The following RBFOX1 variants were observed in gnomAD, a reference collection of about 807,000 sequenced individuals.
The protein encoded by RBFOX1 is RNA binding fox-1 homolog 1.
Under a neutral mutation model 57.7 loss-of-function variants are expected in RBFOX1, and 8 were observed. The observed-to-expected ratio is 0.14, with a 90% CI of 0.08 to 0.25. RBFOX1 has a LOEUF of 0.25. Among genes scored for constraint, RBFOX1 ranks in the 10% least tolerant of loss-of-function variants. The pLI is 1.00. For missense variants in RBFOX1, 611 were observed against 548.5 expected (o/e 1.11, Z -1.14); for synonymous variants, 326 against 222.4 (o/e 1.47, Z -4.15).
chr16:6,856,142 C>T (rs527992205), intron 3 of RBFOX1, among the ~76,000 whole-genome samples: 6 of 151,978 alleles, frequency 3.9e-5, no homozygotes, highest in African/African-American at 1.4e-4. Flanking sequence ...TTTACCTTCC[C>T]TTCCCTTTAC....
chr16:6,951,470 T>TACATA (rs1345607411), intron 3 of RBFOX1, among the ~76,000 whole-genome samples: 1 of 152,162 alleles, frequency 6.6e-6, no homozygotes, highest in Non-Finnish European at 1.5e-5. Flanking sequence ...TTTATATAGT[T>TACATA]ACATAGTGGC....
chr16:7,235,446 A>G (rs75854194), intron 4 of RBFOX1, among the ~76,000 whole-genome samples: 2 of 152,202 alleles, frequency 1.3e-5, no homozygotes, highest in African/African-American at 4.8e-5. Context: ...ACCAGTTTAG[A>G]TGAGGGACCT....
chr16:7,350,837 G>T (rs150137404), intron 4 of RBFOX1, among the ~76,000 whole-genome samples: 2 of 152,274 alleles, frequency 1.3e-5, no homozygotes, highest in African/African-American at 2.4e-5. Flanking sequence ...ATCTGTGTCT[G>T]TGCCTGAAGG....
chr16:6,258,697 A>G (rs1015930964), intron 1 of RBFOX1, among the ~76,000 whole-genome samples: 8 of 152,180 alleles, frequency 5.3e-5, no homozygotes, highest in African/African-American at 1.9e-4. Context: ...TGTTTATAGT[A>G]TCAACAGGGG....
At chr16:6,733,476 A>G (rs979725866) in intron 3 of RBFOX1, among the ~76,000 whole-genome samples, 1 of 152,206 alleles carries the variant, frequency 6.6e-6, no homozygotes, top group Admixed American at 6.5e-5. Context: ...TGGCTTTTAT[A>G]AGGGCAATAG....
intron 1 of RBFOX1, among the ~76,000 whole-genome samples, chr16:5,414,723 A>T (rs777964735): frequency 6.6e-6 from 1 of 151,960 alleles, no homozygotes; most frequent in Non-Finnish European, 1.5e-5. Context: ...CCACTAACTC[A>T]CCATCAGTCC....
intron 14 of RBFOX1, chr16:7,693,286 A>C: frequency 6.2e-7 from 1 of 1,605,486 alleles, no homozygotes; most frequent in Non-Finnish European, 8.5e-7. Context: ...CTGAGCGAGC[A>C]GTATTGTGAA....
At chr16:5,756,812 G>A (rs1392669057) in intron 3 of RBFOX1, among the ~76,000 whole-genome samples, 1 of 152,160 alleles carries the variant, frequency 6.6e-6, no homozygotes, top group Non-Finnish European at 1.5e-5. Flanking sequence ...CGTGGGAAAG[G>A]TGGACTTCTC....
At chr16:6,060,956 AG>A (rs1343977133) in intron 1 of RBFOX1, among the ~76,000 whole-genome samples, 1 of 152,210 alleles carries the variant, frequency 6.6e-6, no homozygotes, top group African/African-American at 2.4e-5. Flanking sequence ...CCCTGAACCC[AG>A]CCCTGCCTAC....
intron 4 of RBFOX1, among the ~76,000 whole-genome samples, chr16:7,193,330 T>A (rs2152656686): frequency 6.6e-6 from 1 of 152,272 alleles, no homozygotes; most frequent in African/African-American, 2.4e-5. Flanking sequence ...AGGCAAGAAC[T>A]CAGATTCTTC....
chr16:7,262,977 G>C (rs2094978495), intron 4 of RBFOX1, among the ~76,000 whole-genome samples: 1 of 152,174 alleles, frequency 6.6e-6, no homozygotes, highest in Admixed American at 6.5e-5. Flanking sequence ...CTTACTCTAG[G>C]AAGTGTTAGA....
intron 2 of RBFOX1, among the ~76,000 whole-genome samples, chr16:5,497,065 C>T (rs114567137): frequency 2.3e-4 from 35 of 152,106 alleles, no homozygotes; most frequent in African/African-American, 8.0e-4. Context: ...CGTTTTTTAT[C>T]CAGACAATGC....
intron 2 of RBFOX1, among the ~76,000 whole-genome samples, chr16:6,428,251 A>C (rs2093984415): frequency 6.9e-6 from 1 of 145,444 alleles, no homozygotes; most frequent in South Asian, 2.2e-4. Flanking sequence ...ATACCACTGC[A>C]CTCCAGCCTG....
At chr16:7,334,372 T>C (rs995496200) in intron 4 of RBFOX1, among the ~76,000 whole-genome samples, 3 of 152,134 alleles carry the variant, frequency 2.0e-5, no homozygotes, top group African/African-American at 7.2e-5. Context: ...AAGGTTGCCA[T>C]TTCTGAAGTA....
intron 4 of RBFOX1, among the ~76,000 whole-genome samples, chr16:7,418,061 C>G (rs557867913): frequency 1.3e-5 from 2 of 152,196 alleles, no homozygotes; most frequent in African/African-American, 2.4e-5. Flanking sequence ...CACTGGAGGC[C>G]AAGACACTCC....
chr16:6,921,302 T>G (rs2153454443), intron 3 of RBFOX1, among the ~76,000 whole-genome samples: 1 of 152,310 alleles, frequency 6.6e-6, no homozygotes, highest in South Asian at 2.1e-4. Flanking sequence ...GCTGTGTCCT[T>G]TGTTCATGCT....
intron 1 of RBFOX1, among the ~76,000 whole-genome samples, chr16:6,211,135 G>A (rs2097294249): frequency 6.7e-6 from 1 of 149,262 alleles, no homozygotes; most frequent in Admixed American, 6.7e-5. Flanking sequence ...AGACTGGACA[G>A]TAACCATGAG....
chr16:6,124,728 A>G (rs1014144283), intron 1 of RBFOX1, among the ~76,000 whole-genome samples: 1 of 152,052 alleles, frequency 6.6e-6, no homozygotes. Flanking sequence ...GGGTTTCACC[A>G]TGTTGGCCAG....
At chr16:6,406,016 G>T (rs753203472) in intron 2 of RBFOX1, among the ~76,000 whole-genome samples, 5 of 152,162 alleles carry the variant, frequency 3.3e-5, no homozygotes, top group Non-Finnish European at 7.3e-5. Flanking sequence ...AGGAATTAAG[G>T]ACTCAGAACT....
Sources: gnomAD v4.1 joint callset for allele counts (sites outside exome capture counted in the v4.1 genomes callset) on GRCh38, gnomAD v4.1.1 for gene constraint, MANE v1.5 for transcripts, NCBI Gene and HGNC (gene_info 2026-07-23, HGNC 2026-07-21) for gene names.